The following CHEK2 variants were observed in gnomAD, a reference collection of about 807,000 sequenced individuals.
CHEK2 encodes checkpoint kinase 2, also known as serine/threonine-protein kinase Chk2.
CHEK2 carries 71 observed loss-of-function variants against 69.1 expected under a neutral mutation model. That is an observed-to-expected ratio of 1.03 (90% CI 0.85 to 1.25). The LOEUF is 1.25. Among genes scored for constraint, CHEK2 ranks in the 50% most tolerant of loss-of-function variants. CHEK2 has a pLI of 0.00. For synonymous variants in CHEK2, 189 were observed against 226.9 expected, an observed-to-expected ratio of 0.83 and a Z score of 1.50; for missense variants, 664 against 649.6, an observed-to-expected ratio of 1.02 and a Z score of -0.24.
intron 7 of CHEK2, among the ~76,000 whole-genome samples, chr22:28,704,117 GACAGAC>G (rs1439729641): frequency 1.8e-3 from 167 of 90,882 alleles, no homozygotes; most frequent in Middle Eastern, 0.011. Context: ...GAGAGAGACA[GACAGAC>G]ACACACACAC....
At chr22:28,699,370 T>TC (rs1441089632) in intron 9 of CHEK2, among the ~76,000 whole-genome samples, 4,383 of 139,326 alleles carry the variant, frequency 0.031, 188 homozygotes, top group African/African-American at 0.091. Context: ...TTCTTTTTTT[T>TC]TTTTTTTTTT....
chr22:28,709,885 G>C, intron 7 of CHEK2, 121 bp downstream of exon 7: 1 of 593,656 alleles, frequency 1.7e-6, no homozygotes, highest in Non-Finnish European at 3.1e-6. Context: ...CAAAGTGCTA[G>C]GGTTACAGGC....
At chr22:28,690,130 C>T (rs570288376) in intron 13 of CHEK2, among the ~76,000 whole-genome samples, 1 of 152,314 alleles carries the variant, frequency 6.6e-6, no homozygotes, top group Admixed American at 6.5e-5. Context: ...CCAAGCATAC[C>T]ACAGTGGGGA....
At chr22:28,699,341 G>A (rs1310425219) in intron 9 of CHEK2, among the ~76,000 whole-genome samples, 1 of 145,478 alleles carries the variant, frequency 6.9e-6, no homozygotes, top group East Asian at 2.1e-4. Flanking sequence ...TTTCTCTTAA[G>A]CTACACAGTG....
Position 28,702,301 on chromosome 22 carries a change from C to T in CHEK2, c.908+1204G>A, listed in dbSNP as rs544562143. On this transcript the variant is annotated intron_variant, in intron 8 of 14. Transcript: ENST00000404276. ...TCACCCAGGCTGGAATGCAGTGGCG[C>T]GATCTCAGCTCATTGCAAGCTCCGC... Among the ~76,000 whole-genome samples, 336 of 151,148 alleles carry T rather than the reference C, an allele frequency of 2.2e-3. 5 individuals carry two copies. Among genetic ancestry groups the T allele is most frequent in the Middle Eastern group, 3.4e-3 (1 of 290 alleles).
Position 28,695,787 on chromosome 22 carries a change from T to A in CHEK2, c.1182A>T (p.Glu394Asp), listed in dbSNP as rs786202164. The A allele has an allele frequency of 1.9e-6, 3 of 1,613,750 alleles. No individual in the cohort carries two copies. In the African/African-American group the frequency reaches 4.0e-5, roughly 22 times the overall value. Residue 394 changes from glutamate (E) to aspartate (D), a missense_variant, in exon 11 of 15, where the codon GAA (glutamate) becomes GAT (aspartate). Physicochemically the swap from Glu to Asp is conservative, Grantham distance 45. Coordinates refer to ENST00000404276, the MANE Select transcript of CHEK2 (RefSeq NM_007194.4). ...CAGCAGTCCCAACAGAAACAAGAAC[T>A]TCAGGCGCCAAGTAGGTGGGGGTTC... is the stretch of plus-strand genomic sequence containing the variant. ...LCGTPTYLAP[E>D]VLVSVGTAGY...
chr22:28,729,908 G>C (rs937706874), intron 2 of CHEK2, among the ~76,000 whole-genome samples: 6 of 152,088 alleles, frequency 3.9e-5, no homozygotes, highest in South Asian at 2.1e-4. Context: ...AAGAGTCAGA[G>C]CAACCAGCCA....
rs1171168822 is a variant in CHEK2 at position 28,703,515 on chromosome 22, C to G, written c.898G>C (p.Val300Leu). The change falls in exon 8 of 15, where the codon GTT (valine) becomes CTT (leucine). Residue 300 changes from valine (V) to leucine (L), a missense_variant. By Grantham distance (32) the Val-to-Leu change is conservative. Coordinates refer to ENST00000404276, the MANE Select transcript of CHEK2 (RefSeq NM_007194.4). ...NFFDAEDYYI[V>L]LELMEGGELF... ...AAGTTTACTACTTACAATTCCAAAA[C>G]AATATAATAATCTTCTGCATCAAAA... The G allele has an allele frequency of 6.7e-7, 1 of 1,494,382 alleles. No homozygotes were observed. The highest frequency in any genetic ancestry group is 1.4e-5 in the African/African-American group (1 of 72,298). 92.6% of individuals were successfully genotyped at this position (1,494,382 alleles called of 1,614,324 possible).
chr22:28,725,330 TTTG>T lies in CHEK2; in HGVS notation c.354_356del (p.Asp118_Lys119delinsGlu). 1 of 1,614,080 alleles carries T rather than the reference TTTG, an allele frequency of 6.2e-7. No homozygotes were observed. The highest frequency in any genetic ancestry group is 8.5e-7 in the Non-Finnish European group (1 of 1,179,962). On this transcript the variant is annotated inframe_deletion, in exon 3 of 15. Coordinates refer to ENST00000404276, the MANE Select transcript of CHEK2 (RefSeq NM_007194.4). ...GTTCATCAAAGCAATATTCACAGCT[TTTG>T]TCCCTCCCAAACCAGTAGTTGTCAT...
At chr22:28,703,457 T>C (rs1569127801) in intron 8 of CHEK2, 48 bp downstream of exon 8, 3 of 998,934 alleles carry the variant, frequency 3.0e-6, no homozygotes, top group South Asian at 1.4e-5. Context: ...GGTGGCTTTA[T>C]AAAGCATTTG....
intron 12 of CHEK2, 78 bp downstream of exon 12, chr22:28,695,049 G>A (rs5762749): frequency 1.2e-6 from 1 of 861,842 alleles, no homozygotes; most frequent in East Asian, 2.5e-5. Context: ...AAACACCATG[G>A]AATTTGGGAA....
intron 8 of CHEK2, 54 bp downstream of exon 8, chr22:28,703,451 G>T: frequency 1.1e-6 from 1 of 944,674 alleles, no homozygotes; most frequent in Non-Finnish European, 1.7e-6. Flanking sequence ...TTCTTTGGTG[G>T]CTTTATAAAG....
Position 28,713,606 on chromosome 22 carries a change from T to A in CHEK2, c.684-1589A>T, listed in dbSNP as rs895221126. 2.0e-5 allele frequency among the ~76,000 whole-genome samples: 3 copies of A among 152,170 alleles called. No homozygotes were observed. The East Asian group carries it at 5.8e-4, about 29-fold the overall frequency. On this transcript the variant is annotated intron_variant, in intron 5 of 14. Transcript: ENST00000404276. Reference sequence around the variant, plus strand: ...CTCCTGACCTCGTGATCCTCCCATCTCGGCCTCCCAAAGTGCTGGGATTAC... The same window carrying A: ...CTCCTGACCTCGTGATCCTCCCATCACGGCCTCCCAAAGTGCTGGGATTAC...
At chr22:28,728,596 G>A (rs759417050) in intron 2 of CHEK2, among the ~76,000 whole-genome samples, 2 of 152,140 alleles carry the variant, frequency 1.3e-5, no homozygotes, top group Non-Finnish European at 2.9e-5. Context: ...CAGCTACTCT[G>A]GAGGCTGAGG....
At chr22:28,708,439 G>A (rs992787532) in intron 7 of CHEK2, among the ~76,000 whole-genome samples, 1 of 149,558 alleles carries the variant, frequency 6.7e-6, no homozygotes, top group African/African-American at 2.4e-5. Context: ...AAAAGGACCT[G>A]GCAAATTCAG....
At chr22:28,722,561 A>G (rs2053836651) in intron 4 of CHEK2, among the ~76,000 whole-genome samples, 1 of 134,894 alleles carries the variant, frequency 7.4e-6, no homozygotes, top group African/African-American at 3.0e-5. Context: ...AAAAAAAAAG[A>G]AAAGAAAAGA....
intron 2 of CHEK2, among the ~76,000 whole-genome samples, chr22:28,730,730 A>C (rs1232262612): frequency 6.6e-6 from 1 of 151,720 alleles, no homozygotes; most frequent in Non-Finnish European, 1.5e-5. Flanking sequence ...TGGTGGCATA[A>C]GCATGTAATC....
chr22:28,708,363 ATGTGTGTG>A (rs10694007), intron 7 of CHEK2, among the ~76,000 whole-genome samples: 14 of 139,766 alleles, frequency 1.0e-4, no homozygotes, highest in African/African-American at 2.2e-4. Flanking sequence ...CTCTAAAAAT[ATGTGTGTG>A]TGTGTGTGTG....
chr22:28,698,096 T>TA (rs200219577), intron 9 of CHEK2, among the ~76,000 whole-genome samples: 2 of 151,358 alleles, frequency 1.3e-5, no homozygotes, highest in Admixed American at 6.6e-5. Context: ...ATTTTTTTTT[T>TA]AAAAAGGCTT....
Sources: gnomAD v4.1 joint callset for allele counts (sites outside exome capture counted in the v4.1 genomes callset) on GRCh38, gnomAD v4.1.1 for gene constraint, MANE v1.5 for transcripts, NCBI Gene and HGNC (gene_info 2026-07-23, HGNC 2026-07-21) for gene names.